Variants in SELENOF observed in about 807,000 individuals in gnomAD.
SELENOF encodes selenoprotein F, also known as 15 kDa selenoprotein.
SELENOF carries 16 observed loss-of-function variants against 20.5 expected under a neutral mutation model. The observed-to-expected ratio is 0.78, with a 90% CI of 0.53 to 1.19. SELENOF has a LOEUF of 1.19. Ranked by LOEUF, SELENOF falls within the 50% of genes most tolerant of loss-of-function variation. SELENOF has a pLI of 0.00. For synonymous variants in SELENOF, 78 were observed against 74.5 expected, an observed-to-expected ratio of 1.05 and a Z score of -0.24; for missense variants, 215 against 194.2, an observed-to-expected ratio of 1.11 and a Z score of -0.64.
chr1:86,899,801 G>A (rs1659637729), intron 2 of SELENOF, among the ~76,000 whole-genome samples: 1 of 150,018 alleles, frequency 6.7e-6, no homozygotes, highest in Non-Finnish European at 1.5e-5. Context: ...CGGGGCGGCT[G>A]CCGGGCGGAG....
In SELENOF at chr1:86,863,069, TG is replaced by T. The variant is rs1207864084; in HGVS notation, c.*404del. Reference sequence around the variant, plus strand: ...CTGTTGAGGCTCAGTATATCTTATTTGCTTTGTAGTCTGCTGTCATTCCTTT... The same window carrying T: ...CTGTTGAGGCTCAGTATATCTTATTTCTTTGTAGTCTGCTGTCATTCCTTT... On this transcript the variant is annotated 3_prime_UTR_variant, in exon 5 of 5. Coordinates refer to ENST00000331835, the MANE Select transcript of SELENOF (RefSeq NM_004261.5). The T allele has an allele frequency of 1.9e-5, 3 of 154,946 alleles. No homozygotes were observed. Among genetic ancestry groups the T allele is most frequent in the African/African-American group, 7.2e-5 (3 of 41,534 alleles). 9.6% of individuals were successfully genotyped at this position (154,946 alleles called of 1,614,324 possible).
intron 3 of SELENOF, among the ~76,000 whole-genome samples, chr1:86,874,709 T>C (rs2102079195): frequency 6.6e-6 from 1 of 152,282 alleles, no homozygotes; most frequent in East Asian, 1.9e-4. Flanking sequence ...TGAATTATGT[T>C]ATTTTCAAAA....
rs150052744 is a variant in SELENOF, at chr1:86,878,622, C to T, written c.316+2040G>A. ...ACTTGAACCTGGGAGGCAGAGGTTGCGGTGAGCTGAAATTGCGCCACTGCA... is the reference window on the plus strand; with the variant it reads ...ACTTGAACCTGGGAGGCAGAGGTTGTGGTGAGCTGAAATTGCGCCACTGCA... On this transcript the variant is annotated intron_variant, in intron 3 of 4. Transcript: ENST00000331835. 5.0e-4 allele frequency among the ~76,000 whole-genome samples: 76 copies of T among 152,174 alleles called. No individual in the cohort carries two copies. The East Asian group carries it at 5.0e-3, about 10-fold the overall frequency.
intron 3 of SELENOF, among the ~76,000 whole-genome samples, chr1:86,873,244 G>A (rs1055843619): frequency 6.6e-5 from 10 of 152,062 alleles, no homozygotes; most frequent in East Asian, 1.9e-4. Context: ...ACAACACAGC[G>A]AGACTCCGTC....
intron 2 of SELENOF, among the ~76,000 whole-genome samples, chr1:86,889,400 C>T (rs1024178702): frequency 6.6e-6 from 1 of 152,052 alleles, no homozygotes; most frequent in Non-Finnish European, 1.5e-5. Flanking sequence ...TCAAGACAAG[C>T]CTGGCCAAGA....
At chr1:86,883,696 A>G (rs985877300) in intron 2 of SELENOF, among the ~76,000 whole-genome samples, 2 of 152,164 alleles carry the variant, frequency 1.3e-5, no homozygotes, top group Admixed American at 6.5e-5. Flanking sequence ...GTTTCTTTAT[A>G]TCATGATACA....
intron 2 of SELENOF, among the ~76,000 whole-genome samples, chr1:86,898,580 CTTTTTT>C (rs747362493): frequency 2.4e-5 from 3 of 124,996 alleles, no homozygotes; most frequent in African/African-American, 6.5e-5. Flanking sequence ...TTCTCTTCTT[CTTTTTT>C]TTTTTTTTTT....
intron 2 of SELENOF, chr1:86,887,338 A>G (rs1659246582): frequency 2.1e-6 from 2 of 950,776 alleles, no homozygotes; most frequent in South Asian, 5.4e-5. Flanking sequence ...ATACAAAGCA[A>G]TGAGTTTATG....
intron 2 of SELENOF, among the ~76,000 whole-genome samples, chr1:86,884,531 CATACAA>C (rs1339323211): frequency 1.3e-5 from 2 of 152,186 alleles, no homozygotes; most frequent in Non-Finnish European, 2.9e-5. Context: ...TTTGGCACTA[CATACAA>C]ATTCACACAC....
At chr1:86,914,310 C>A (rs1660080141), upstream of SELENOF, 2 of 596,830 alleles carry the variant, frequency 3.4e-6, no homozygotes, top group Non-Finnish European at 6.0e-6. Flanking sequence ...AAATCAGGCA[C>A]TTGCCTAAAC....
At chr1:86,892,060 A>G (rs1659397586) in intron 2 of SELENOF, among the ~76,000 whole-genome samples, 2 of 151,842 alleles carry the variant, frequency 1.3e-5, no homozygotes, top group Non-Finnish European at 2.9e-5. Flanking sequence ...CCTCTGGAGT[A>G]GCTGAGATTA....
At chr1:86,882,924 G>A (rs1403876443) in intron 2 of SELENOF, among the ~76,000 whole-genome samples, 2 of 150,000 alleles carry the variant, frequency 1.3e-5, no homozygotes. Flanking sequence ...TCAGGAGTTC[G>A]AGACCAGCCT....
chr1:86,880,637 G>A (rs761542039), intron 3 of SELENOF, 25 bp downstream of exon 3: 6 of 1,404,606 alleles, frequency 4.3e-6, no homozygotes, highest in Non-Finnish European at 5.9e-6. Flanking sequence ...TGACTGAACA[G>A]TTTACTGGAG....
chr1:86,903,014 G>A (rs1659740783), intron 2 of SELENOF, among the ~76,000 whole-genome samples: 1 of 152,166 alleles, frequency 6.6e-6, no homozygotes, highest in Non-Finnish European at 1.5e-5. Context: ...AGGAAGACTG[G>A]AGAACTACAG....
At chr1:86,909,920 G>A (rs955396684) in intron 1 of SELENOF, among the ~76,000 whole-genome samples, 4 of 152,276 alleles carry the variant, frequency 2.6e-5, no homozygotes, top group Admixed American at 2.6e-4. Context: ...CAGGAGAGTC[G>A]CTTGAACCCG....
At chr1:86,889,270 A>T (rs1209072640) in intron 2 of SELENOF, among the ~76,000 whole-genome samples, 3 of 152,148 alleles carry the variant, frequency 2.0e-5, no homozygotes, top group Non-Finnish European at 4.4e-5. Context: ...TTGAAGAAAA[A>T]AGGTTTTCTT....
chr1:86,908,386 T>C (rs561584267), intron 1 of SELENOF, among the ~76,000 whole-genome samples: 1 of 152,366 alleles, frequency 6.6e-6, no homozygotes, highest in South Asian at 2.1e-4. Flanking sequence ...ACATTATTAT[T>C]CCATCTAATC....
At chr1:86,909,126 C>T (rs1254103765) in intron 1 of SELENOF, among the ~76,000 whole-genome samples, 3 of 152,188 alleles carry the variant, frequency 2.0e-5, no homozygotes, top group Non-Finnish European at 2.9e-5. Flanking sequence ...TTCCCTCATC[C>T]CCCTTTAATT....
intron 2 of SELENOF, among the ~76,000 whole-genome samples, chr1:86,894,241 C>T (rs1173059830): frequency 6.9e-6 from 1 of 144,080 alleles, no homozygotes; most frequent in Non-Finnish European, 1.5e-5. Context: ...CCTTTGAAAT[C>T]TGTTACCAGG....
Sources: allele counts gnomAD v4.1 joint callset (sites outside exome capture counted in the v4.1 genomes callset), GRCh38; gene constraint gnomAD v4.1.1; transcripts MANE v1.5; gene names NCBI Gene and HGNC (gene_info 2026-07-23, HGNC 2026-07-21).